GALNT3: variants seen among roughly 807,000 people sequenced by gnomAD.
The protein encoded by GALNT3 is GalNAc transferase 3.
A neutral mutation model predicts 69.8 loss-of-function variants in GALNT3; 51 were observed. The observed-to-expected ratio is 0.73, with a 90% CI of 0.58 to 0.92. GALNT3 has a LOEUF of 0.92. Among genes scored for constraint, GALNT3 ranks in the 40% least tolerant of loss-of-function variants. GALNT3 has a pLI of 0.00. For missense variants in GALNT3, 711 were observed against 760.0 expected (o/e 0.94, Z 0.76); for synonymous variants, 265 against 248.5 (o/e 1.07, Z -0.63).
chr2:165,759,397 C>G lies in GALNT3; in HGVS notation c.1012G>C (p.Gly338Arg). Residue 338 changes from glycine (G) to arginine (R), a missense_variant, in exon 5 of 11, where the codon GGC (glycine) becomes CGC (arginine). By Grantham distance (125) the Gly-to-Arg change is moderately radical (BLOSUM62 -2). Coordinates refer to ENST00000392701, the MANE Select transcript of GALNT3 (RefSeq NM_004482.4). ...RGNFDWSLSF[G>R]WESLPDHEKQ... is the part of the protein sequence containing the mutation. The stretch of plus-strand genomic sequence containing the variant: ...TCATGATCAGGAAGCGACTCCCAGC[C>G]AAATGAAAGACTCCAGTCAAAATTT... The G allele has an allele frequency of 6.2e-7, 1 of 1,613,986 alleles. No homozygotes were observed. Among genetic ancestry groups the G allele is most frequent in the Non-Finnish European group, 8.5e-7 (1 of 1,179,990 alleles).
intron 2 of GALNT3, among the ~76,000 whole-genome samples, chr2:165,766,101 T>C (rs1341619433): frequency 6.6e-6 from 1 of 152,198 alleles, no homozygotes. Context: ...TTTATGATGT[T>C]CATCATTCAG....
intron 9 of GALNT3, among the ~76,000 whole-genome samples, chr2:165,751,332 A>G (rs1688354301): frequency 6.6e-6 from 1 of 152,018 alleles, no homozygotes; most frequent in South Asian, 2.1e-4. Context: ...GAGTTTCCCT[A>G]CTCTTAGTCT....
At chr2:165,767,759 G>T (rs1042940840) in intron 2 of GALNT3, among the ~76,000 whole-genome samples, 14 of 152,006 alleles carry the variant, frequency 9.2e-5, no homozygotes, top group African/African-American at 3.4e-4. Context: ...TGACCATCTG[G>T]CTTTGGGAGA....
rs1412913584 is a variant in GALNT3, at chr2:165,765,044, T to G, written c.528A>C (p.Gln176His). The change falls in exon 3 of 11, where the codon CAA becomes CAC. Residue 176 changes from glutamine (Q) to histidine (H), a missense_variant. Coordinates refer to ENST00000392701, the MANE Select transcript of GALNT3 (RefSeq NM_004482.4). ...GCAGGGGAGGGCAGCGCTTAAATTT[T>G]TGTTCAATACATCTAGAAGAAGTCA... ...PDTRPPECIE[Q>H]KFKRCPPLPT... 1 of 1,614,058 alleles carries G rather than the reference T, an allele frequency of 6.2e-7. No homozygotes were observed. The highest frequency in any genetic ancestry group is 8.5e-7 in the Non-Finnish European group (1 of 1,180,010).
chr2:165,761,206 CTCAT>C (rs777219215), intron 4 of GALNT3, among the ~76,000 whole-genome samples: 1 of 152,008 alleles, frequency 6.6e-6, no homozygotes, highest in Non-Finnish European at 1.5e-5. Context: ...TATTCACTCA[CTCAT>C]TCATTCATTC....
chr2:165,777,285 GA>G lies in GALNT3; in HGVS notation c.-108-6478del, dbSNP rs567349730. Among the ~76,000 whole-genome samples, 478 of 151,338 alleles carry G rather than the reference GA, an allele frequency of 3.2e-3. 4 individuals are homozygous for G. Among genetic ancestry groups the G allele is most frequent in the African/African-American group, 0.011 (464 of 41,258 alleles). ...GAGTTAGGGGTAACCACACTAAGCA[GA>G]AAAAAAACAAAATTACATCCCAATA... On this transcript the variant is annotated intron_variant, in intron 1 of 10. Coordinates refer to ENST00000392701, the MANE Select transcript of GALNT3 (RefSeq NM_004482.4).
At chr2:165,761,697 A>T in intron 4 of GALNT3, 1 of 717,812 alleles carries the variant, frequency 1.4e-6, no homozygotes, top group East Asian at 2.7e-5. Context: ...ACTTAAACAC[A>T]AAAGGAGATA....
At chr2:165,761,650 G>C in intron 4 of GALNT3, 1 of 674,296 alleles carries the variant, frequency 1.5e-6, no homozygotes, top group Non-Finnish European at 2.7e-6. Context: ...TAACTGGCTG[G>C]AACAGCTAGT....
intron 5 of GALNT3, 116 bp from the exon 6 acceptor site, chr2:165,758,980 C>T: frequency 2.6e-6 from 2 of 776,230 alleles, no homozygotes; most frequent in Non-Finnish European, 2.2e-6. Context: ...AGCTTTTATT[C>T]AGATTAATAA....
At chr2:165,758,334 T>C (rs985107762) in intron 6 of GALNT3, among the ~76,000 whole-genome samples, 6 of 152,344 alleles carry the variant, frequency 3.9e-5, no homozygotes, top group Non-Finnish European at 5.9e-5. Flanking sequence ...ACTTATAATA[T>C]GTATAGAAAA....
Position 165,757,115 on chromosome 2 carries a change from C to T in GALNT3, c.1324G>A (p.Val442Ile). Reference protein sequence around the residue: ...IARNQVRLAEVWMDEYKEIFY... With the variant: ...IARNQVRLAEIWMDEYKEIFY... Reference sequence around the variant, plus strand: ...ATTTCCTTGTATTCATCCATCCAGACTTCTGCAAGGCGAACTTGGTTTCTA... The same window carrying T: ...ATTTCCTTGTATTCATCCATCCAGATTTCTGCAAGGCGAACTTGGTTTCTA... The change falls in exon 7 of 11, where the codon GTC becomes ATC. Residue 442 changes from valine (V) to isoleucine (I), a missense_variant. Physicochemically the swap from Val to Ile is conservative, Grantham distance 29 (BLOSUM62 3). Transcript: ENST00000392701. The T allele has an allele frequency of 6.2e-7, 1 of 1,614,068 alleles. No homozygotes were observed. The highest frequency in any genetic ancestry group is 8.5e-7 in the Non-Finnish European group (1 of 1,179,962).
At chr2:165,793,912 A>ACCGTAGC (rs77225140) in intron 1 of GALNT3, 103 bp downstream of exon 1, 63,984 of 151,968 alleles carry the variant, frequency 0.42, 14,602 homozygotes, top group Non-Finnish European at 0.52. Flanking sequence ...GGCCACCTGG[A>ACCGTAGC]CCGTAGCCCT....
At chr2:165,790,200 G>A (rs897321433) in intron 1 of GALNT3, among the ~76,000 whole-genome samples, 1 of 152,128 alleles carries the variant, frequency 6.6e-6, no homozygotes, top group Non-Finnish European at 1.5e-5. Context: ...GTGTACTTGG[G>A]GGAATATTCT....
intron 1 of GALNT3, among the ~76,000 whole-genome samples, chr2:165,777,830 C>G (rs546070303): frequency 6.6e-6 from 1 of 152,228 alleles, no homozygotes; most frequent in South Asian, 2.1e-4. Flanking sequence ...GGCAATGCCA[C>G]CAGTGGATGA....
intron 1 of GALNT3, chr2:165,793,811 C>T (rs947736886): frequency 2.0e-5 from 3 of 152,850 alleles, no homozygotes; most frequent in Non-Finnish European, 4.4e-5. Flanking sequence ...GGGCTCCCCC[C>T]CGAGGCGCCA....
At chr2:165,778,381 A>G (rs1256122632) in intron 1 of GALNT3, among the ~76,000 whole-genome samples, 1 of 152,212 alleles carries the variant, frequency 6.6e-6, no homozygotes, top group Non-Finnish European at 1.5e-5. Flanking sequence ...TTGTAAACAT[A>G]GTTGTTGGCT....
rs1688418807 is a variant in GALNT3, at chr2:165,754,905, T to C, written c.1524+27A>G. 1.9e-6 allele frequency: 3 copies of C among 1,611,018 alleles called. No individual in the cohort carries two copies. The South Asian group carries it at 3.3e-5, about 18-fold the overall frequency. ...AGGTTGGTGGCAAGGAGTATATTAA[T>C]TAAAAAAGGAACAGGAAAATACTCA... On this transcript the variant is annotated intron_variant, in intron 8 of 10. Transcript: ENST00000392701.
At chr2:165,749,401 A>C (rs981186009) in intron 10 of GALNT3, among the ~76,000 whole-genome samples, 2 of 152,054 alleles carry the variant, frequency 1.3e-5, no homozygotes, top group African/African-American at 4.8e-5. Flanking sequence ...AGATATAATA[A>C]TTTTTCTTCT....
chr2:165,778,410 T>C (rs1445656288), intron 1 of GALNT3, among the ~76,000 whole-genome samples: 1 of 152,190 alleles, frequency 6.6e-6, no homozygotes, highest in Non-Finnish European at 1.5e-5. Context: ...AGTAAGGAGA[T>C]AGAAACCACA....
Sources: gnomAD v4.1 joint callset for allele counts (sites outside exome capture counted in the v4.1 genomes callset) on GRCh38, gnomAD v4.1.1 for gene constraint, MANE v1.5 for transcripts, NCBI Gene and HGNC (gene_info 2026-07-23, HGNC 2026-07-21) for gene names.